Variants in DOCK9 observed in about 807,000 individuals in gnomAD.
DOCK9 encodes the protein dedicator of cytokinesis 9.
DOCK9 carries 89 observed loss-of-function variants against 263.3 expected under a neutral mutation model. The observed-to-expected ratio is 0.34, with a 90% CI of 0.28 to 0.40. The LOEUF is 0.40. Among genes scored for constraint, DOCK9 ranks in the 10% least tolerant of loss-of-function variants. DOCK9 has a pLI of 1.00. For synonymous variants in DOCK9, 976 were observed against 973.1 expected, an observed-to-expected ratio of 1.00 and a Z score of -0.06; for missense variants, 2,140 against 2,603.4, an observed-to-expected ratio of 0.82 and a Z score of 3.87.
intron 14 of DOCK9, 28 bp from the exon 15 acceptor site, chr13:98,897,638 C>A (rs187081590): frequency 6.2e-7 from 1 of 1,608,594 alleles, no homozygotes; most frequent in Non-Finnish European, 8.5e-7. Flanking sequence ...CATTTCTAAA[C>A]TGGGTTTCCA....
chr13:99,005,240 G>A (rs1431986222), intron 1 of DOCK9, among the ~76,000 whole-genome samples: 1 of 152,146 alleles, frequency 6.6e-6, no homozygotes, highest in African/African-American at 2.4e-5. Flanking sequence ...ATAATTAACT[G>A]CTCACTTAAA....
chr13:98,872,686 G>A (rs925385889), intron 27 of DOCK9, among the ~76,000 whole-genome samples: 1 of 152,176 alleles, frequency 6.6e-6, no homozygotes. Flanking sequence ...GATTACAGAT[G>A]TGAACCATTG....
intron 33 of DOCK9, chr13:98,857,955 G>C (rs2093748047): frequency 6.6e-6 from 1 of 152,072 alleles, no homozygotes; most frequent in Non-Finnish European, 1.5e-5. Flanking sequence ...ATTTAATGTA[G>C]AACAGCATTT....
At chr13:98,951,552 T>C (rs1263304265) in intron 2 of DOCK9, among the ~76,000 whole-genome samples, 1 of 152,196 alleles carries the variant, frequency 6.6e-6, no homozygotes, top group Non-Finnish European at 1.5e-5. Flanking sequence ...GCAAGAAGCC[T>C]AAGAAGTAGG....
At chr13:99,077,458 T>C (rs2041955289) in intron 1 of DOCK9, among the ~76,000 whole-genome samples, 1 of 152,214 alleles carries the variant, frequency 6.6e-6, no homozygotes, top group African/African-American at 2.4e-5. Context: ...CCTTCTGCCA[T>C]GATTGTAAGT....
chr13:98,918,771 G>C (rs1227202589), intron 7 of DOCK9, among the ~76,000 whole-genome samples: 1 of 152,178 alleles, frequency 6.6e-6, no homozygotes, highest in African/African-American at 2.4e-5. Flanking sequence ...AGCTGCAGAA[G>C]ATGTGCTCCC....
rs1219530521 is a variant in DOCK9, at chr13:98,859,259, G to A, written c.3697+1146C>T. ...AGGCAAATGGAAACTCGTGACAGCA[G>A]CCAACATTTGCTGAGCATTTACCGT... On this transcript the variant is annotated intron_variant, in intron 33 of 52. Coordinates refer to ENST00000682017, the MANE Select transcript of DOCK9 (RefSeq NM_001366683.2). The A allele has an allele frequency of 2.0e-5, 3 of 152,214 alleles. No homozygotes were observed. In the East Asian group the frequency reaches 5.8e-4, roughly 29 times the overall value. The allele number at this position is 152,214 out of a possible 1,614,324, so 9.4% of individuals were successfully genotyped here.
chr13:98,960,598 A>G (rs1018267457), intron 1 of DOCK9, among the ~76,000 whole-genome samples: 2 of 152,210 alleles, frequency 1.3e-5, no homozygotes, highest in African/African-American at 4.8e-5. Context: ...TTCCCGTGAA[A>G]TCAGAAAGGG....
intron 48 of DOCK9, among the ~76,000 whole-genome samples, chr13:98,806,991 C>T (rs1396979335): frequency 6.6e-6 from 1 of 151,996 alleles, no homozygotes; most frequent in Non-Finnish European, 1.5e-5. Flanking sequence ...CCTATTAAAA[C>T]TTAACTTTCT....
At chr13:98,936,581 C>T (rs1167535309) in intron 2 of DOCK9, among the ~76,000 whole-genome samples, 3 of 148,594 alleles carry the variant, frequency 2.0e-5, no homozygotes, top group Non-Finnish European at 3.0e-5. Context: ...GACTAGGCCA[C>T]TGTACTACAG....
intron 39 of DOCK9, 65 bp from the exon 40 acceptor site, chr13:98,831,851 T>G (rs2092776833): frequency 6.4e-7 from 1 of 1,556,658 alleles, no homozygotes; most frequent in African/African-American, 1.4e-5. Flanking sequence ...TCACACAATT[T>G]CAGGCTCAAG....
chr13:99,067,870 C>CTT (rs66506438), intron 1 of DOCK9, among the ~76,000 whole-genome samples: 29,745 of 142,296 alleles, frequency 0.21, 3,079 homozygotes, highest in Middle Eastern at 0.3. Context: ...AGGACAGAAG[C>CTT]TTTTTTTTTT....
intron 1 of DOCK9, among the ~76,000 whole-genome samples, chr13:98,958,692 TAGAGTTA>T (rs971747059): frequency 6.6e-6 from 1 of 152,242 alleles, no homozygotes; most frequent in African/African-American, 2.4e-5. Flanking sequence ...TACCCCCTAA[TAGAGTTA>T]ATCCCCTTTC....
chr13:98,924,934 G>A (rs1176551347), intron 4 of DOCK9, among the ~76,000 whole-genome samples: 2 of 152,074 alleles, frequency 1.3e-5, no homozygotes, highest in Non-Finnish European at 2.9e-5. Context: ...GGAGGCAGAG[G>A]CAGGTGGATC....
chr13:98,830,558 AGTTCCCCAGATG>A (rs2092718773), intron 41 of DOCK9, among the ~76,000 whole-genome samples: 1 of 152,208 alleles, frequency 6.6e-6, no homozygotes, highest in Non-Finnish European at 1.5e-5. Flanking sequence ...GAACATCTCT[AGTTCCCCAGATG>A]GGTGCTTCCC....
chr13:99,005,754 C>T (rs1883226764), intron 1 of DOCK9, among the ~76,000 whole-genome samples: 1 of 152,138 alleles, frequency 6.6e-6, no homozygotes, highest in Admixed American at 6.5e-5. Flanking sequence ...TATCAGGTGA[C>T]TTTATCAGCT....
rs534534051 is a variant in DOCK9 at position 99,027,072 on chromosome 13, T to G, written c.129+59151A>C. 9.2e-5 allele frequency among the ~76,000 whole-genome samples: 14 copies of G among 152,068 alleles called. 2 individuals carry two copies. In the South Asian group the frequency reaches 2.9e-3, roughly 32 times the overall value. ...TATCACTCTGTCGCCCAGGCTGGAG[T>G]GTAGTGCCACAATCTCGGCTCACTG... On this transcript the variant is annotated intron_variant, in intron 1 of 32. Coordinates refer to the DOCK9 transcript ENST00000427887.
chr13:98,809,611 A>C (rs1176665644), intron 46 of DOCK9, 146 bp from the exon 47 acceptor site: 1 of 656,662 alleles, frequency 1.5e-6, no homozygotes, highest in African/African-American at 1.8e-5. Flanking sequence ...ACTTGTAGTG[A>C]TCATTAATGA....
intron 1 of DOCK9, among the ~76,000 whole-genome samples, chr13:98,956,781 A>G (rs567584934): frequency 1.3e-5 from 2 of 152,312 alleles, no homozygotes; most frequent in East Asian, 1.9e-4. Context: ...TAAGTCCATT[A>G]TATCAATAGT....
Sources: gnomAD v4.1 joint callset for allele counts (sites outside exome capture counted in the v4.1 genomes callset) on GRCh38, gnomAD v4.1.1 for gene constraint, MANE v1.5 for transcripts, NCBI Gene and HGNC (gene_info 2026-07-23, HGNC 2026-07-21) for gene names.